RANGAP1: variants seen among roughly 807,000 people sequenced by gnomAD.
RANGAP1 encodes ran GTPase-activating protein 1.
In RANGAP1, 38 loss-of-function variants were observed where a neutral mutation model predicts 63.5. The ratio of observed to expected loss-of-function variants is 0.60; its 90% CI spans 0.46 to 0.78. The LOEUF is 0.78. RANGAP1 is among the 30% of genes least tolerant of loss of function. The pLI is 0.00. For synonymous variants in RANGAP1, 329 were observed against 310.5 expected, an observed-to-expected ratio of 1.06 and a Z score of -0.63; for missense variants, 630 against 740.3, an observed-to-expected ratio of 0.85 and a Z score of 1.73.
chr22:41,252,775 C>T (rs928702464), intron 12 of RANGAP1, 97 bp downstream of exon 12: 14 of 1,333,544 alleles, frequency 1.0e-5, no homozygotes, highest in African/African-American at 1.5e-5. Context: ...CAGCTGACAG[C>T]GTCGCACCCC....
chr22:41,247,866 A>G (rs1271435502), intron 15 of RANGAP1, among the ~76,000 whole-genome samples: 1 of 152,236 alleles, frequency 6.6e-6, no homozygotes, highest in African/African-American at 2.4e-5. Flanking sequence ...ATGTCACTAC[A>G]TAGTTAATCA....
chr22:41,259,052 C>T (rs952862322), intron 6 of RANGAP1, among the ~76,000 whole-genome samples: 8 of 152,212 alleles, frequency 5.3e-5, no homozygotes, highest in Middle Eastern at 3.4e-3. Flanking sequence ...CCCCCAGCCA[C>T]GATCCAGTGT....
chr22:41,290,360 G>C (rs1378037598), upstream of RANGAP1, among the ~76,000 whole-genome samples: 4 of 151,680 alleles, frequency 2.6e-5, no homozygotes, highest in African/African-American at 7.3e-5. Flanking sequence ...CTCCCGAGTA[G>C]CTGGGATTAC....
chr22:41,250,495 G>A (rs1036977285), intron 13 of RANGAP1, among the ~76,000 whole-genome samples: 1 of 152,220 alleles, frequency 6.6e-6, no homozygotes, highest in African/African-American at 2.4e-5. Context: ...AGGGTGGAAG[G>A]TGACAGGTGC....
intron 1 of RANGAP1, among the ~76,000 whole-genome samples, chr22:41,283,651 C>T (rs920523555): frequency 1.3e-5 from 2 of 152,108 alleles, no homozygotes; most frequent in Non-Finnish European, 2.9e-5. Flanking sequence ...AAGGGAATAG[C>T]AAATGCAATG....
chr22:41,289,387 C>A (rs765650960), upstream of RANGAP1, among the ~76,000 whole-genome samples: 5 of 151,674 alleles, frequency 3.3e-5, no homozygotes, highest in Admixed American at 6.6e-5. Flanking sequence ...TTCGGGAGGG[C>A]GAGGCAGGTG....
At chr22:41,260,097 T>C (rs1432460546) in intron 6 of RANGAP1, among the ~76,000 whole-genome samples, 2 of 152,164 alleles carry the variant, frequency 1.3e-5, no homozygotes, top group Admixed American at 6.6e-5. Flanking sequence ...GTGAGGTTTA[T>C]TGTCTACATT....
At chr22:41,282,582 A>G (rs568975035) in intron 1 of RANGAP1, 1 of 152,360 alleles carries the variant, frequency 6.6e-6, no homozygotes, top group South Asian at 2.1e-4. Flanking sequence ...TCAGCCTCCC[A>G]AAGTGCTGGG....
intron 2 of RANGAP1, among the ~76,000 whole-genome samples, chr22:41,276,029 T>C (rs953569828): frequency 3.3e-5 from 5 of 152,158 alleles, no homozygotes; most frequent in South Asian, 2.1e-4. Flanking sequence ...CACAAATAGT[T>C]ATACCAGCAC....
intron 14 of RANGAP1, 45 bp downstream of exon 14, chr22:41,249,684 C>G (rs961195131): frequency 2.5e-6 from 4 of 1,579,142 alleles, no homozygotes; most frequent in Non-Finnish European, 3.5e-6. Flanking sequence ...TCTGTGCAGA[C>G]CCCACCCACC....
intron 6 of RANGAP1, among the ~76,000 whole-genome samples, chr22:41,260,000 T>G (rs1368010691): frequency 4.8e-5 from 7 of 144,914 alleles, no homozygotes; most frequent in Admixed American, 4.8e-4. Context: ...AGCGAGACCC[T>G]GCCTCAATAA....
chr22:41,291,336 G>A, the RANGAP1 span, among the ~76,000 whole-genome samples: 4 of 152,204 alleles, frequency 2.6e-5, no homozygotes, highest in African/African-American at 9.6e-5. Flanking sequence ...GGTGGCTCCC[G>A]CCTGTAATCC....
At chr22:41,280,856 G>A (rs1456990227) in intron 2 of RANGAP1, 77 bp downstream of exon 2, 4 of 1,595,352 alleles carry the variant, frequency 2.5e-6, no homozygotes, top group Non-Finnish European at 3.4e-6. Context: ...AGCAGAAAGA[G>A]CCTGACAACC....
the RANGAP1 span, among the ~76,000 whole-genome samples, chr22:41,296,668 C>T: frequency 1.3e-5 from 2 of 150,394 alleles, no homozygotes; most frequent in African/African-American, 4.9e-5. Flanking sequence ...AAAAAACACA[C>T]ACACATATAT....
At chr22:41,291,818 G>A in the RANGAP1 span, among the ~76,000 whole-genome samples, 12 of 147,954 alleles carry the variant, frequency 8.1e-5, no homozygotes, top group Admixed American at 6.0e-4. Flanking sequence ...GGAGAATGGC[G>A]TGAACCTGGG....
chr22:41,292,614 C>T, the RANGAP1 span, among the ~76,000 whole-genome samples: 1 of 150,918 alleles, frequency 6.6e-6, no homozygotes, highest in South Asian at 2.1e-4. Context: ...CAAAAAGTAG[C>T]TGGGCCCCTG....
At position 41,271,252 on chromosome 22, in the gene RANGAP1, T is replaced by C. The variant is rs2034800343; in HGVS notation, c.241-3096A>G. On this transcript the variant is annotated intron_variant, in intron 3 of 15. Transcript: ENST00000356244. ...AAAAAAAAAAAAAATTAGCTGGGCATTGTGGCACACACATGGTCCCAGCTA... is the reference window on the plus strand; with the variant it reads ...AAAAAAAAAAAAAATTAGCTGGGCACTGTGGCACACACATGGTCCCAGCTA... Among the ~76,000 whole-genome samples the C allele has an allele frequency of 2.6e-5, 4 of 151,288 alleles. No homozygotes were observed. The South Asian group carries it at 6.3e-4, about 24-fold the overall frequency.
At chr22:41,266,931 A>G (rs1473680302) in intron 4 of RANGAP1, among the ~76,000 whole-genome samples, 1 of 127,816 alleles carries the variant, frequency 7.8e-6, no homozygotes, top group East Asian at 2.2e-4. Context: ...CCCAGGTTGG[A>G]GTGCAGTGGC....
chr22:41,261,507 A>T lies in RANGAP1; in HGVS notation c.554T>A (p.Phe185Tyr). ...AQGKPLALKV[F>Y]VAGRNRLEND... ...CTCCAGACGGTTTCTGCCAGCCACA[A>T]AGACCTTCAGGGCCAGAGGCTTGCC... The change falls in exon 6 of 16, where the codon TTT becomes TAT. Residue 185 changes from phenylalanine (F) to tyrosine (Y), a missense_variant. By Grantham distance (22) the Phe-to-Tyr change is conservative. Transcript: ENST00000356244. The T allele has an allele frequency of 6.2e-7, 1 of 1,614,248 alleles. No individual in the cohort carries two copies. The highest frequency in any genetic ancestry group is 1.3e-5 in the African/African-American group (1 of 75,076).
Sources: gnomAD v4.1 joint callset for allele counts (sites outside exome capture counted in the v4.1 genomes callset) on GRCh38, gnomAD v4.1.1 for gene constraint, MANE v1.5 for transcripts, NCBI Gene and HGNC (gene_info 2026-07-23, HGNC 2026-07-21) for gene names.